The following SMYD4 variants were observed in gnomAD, a reference collection of about 807,000 sequenced individuals.
The protein encoded by SMYD4 is protein-lysine N-methyltransferase SMYD4.
Under a neutral mutation model 72.8 loss-of-function variants are expected in SMYD4, and 68 were observed. That is an observed-to-expected ratio of 0.93 (90% CI 0.77 to 1.14). SMYD4 has a LOEUF of 1.14. Ranked by LOEUF, SMYD4 falls within the 50% of genes most tolerant of loss-of-function variation. SMYD4 has a pLI of 0.00. For missense variants in SMYD4, 984 were observed against 1,003.7 expected, an observed-to-expected ratio of 0.98 and a Z score of 0.27; for synonymous variants, 407 against 388.6, an observed-to-expected ratio of 1.05 and a Z score of -0.56.
rs1910358492 is a variant in SMYD4 at position 1,812,078 on chromosome 17, C to G, written c.172G>C (p.Gly58Arg). The change falls in exon 3 of 11, where the codon GGT becomes CGT. Residue 58 changes from glycine to arginine, a missense_variant. Transcript: ENST00000305513. Reference protein sequence around the residue: ...DELFLKRLSKGYLVGKDSDAP... With the variant: ...DELFLKRLSKRYLVGKDSDAP... Reference sequence around the variant, plus strand: ...TCCGAGTCCTTTCCCACCAAGTAACCTTTAGAAAGTCTTTTTAGAAACAGC... The same window carrying G: ...TCCGAGTCCTTTCCCACCAAGTAACGTTTAGAAAGTCTTTTTAGAAACAGC... 6.2e-7 allele frequency: 1 copy of G among 1,613,878 alleles called. No homozygotes were observed. Among genetic ancestry groups the G allele is most frequent in the Admixed American group, 1.7e-5 (1 of 59,942 alleles).
At chr17:1,796,585 C>T (rs531538543) in intron 5 of SMYD4, among the ~76,000 whole-genome samples, 2 of 151,956 alleles carry the variant, frequency 1.3e-5, no homozygotes, top group Non-Finnish European at 2.9e-5. Flanking sequence ...TACAGGCGCC[C>T]GCTGCCATGC....
At chr17:1,809,719 G>A (rs1227715081) in intron 3 of SMYD4, among the ~76,000 whole-genome samples, 2 of 146,700 alleles carry the variant, frequency 1.4e-5, no homozygotes, top group Non-Finnish European at 3.0e-5. Context: ...GCCCAGGCTG[G>A]AGTGCAGTGG....
chr17:1,827,874 A>G lies in SMYD4; in HGVS notation c.121T>C (p.Ser41Pro), dbSNP rs1475125629. 1 of 1,606,040 alleles carries G rather than the reference A, an allele frequency of 6.2e-7. No homozygotes were observed. The highest frequency in any genetic ancestry group is 1.7e-5 in the Admixed American group (1 of 59,882). The change falls in exon 2 of 11, where the codon TCT becomes CCT. Residue 41 changes from serine to proline, a missense_variant. Coordinates refer to ENST00000305513, the MANE Select transcript of SMYD4 (RefSeq NM_052928.3). ...ETLRDIFLHS[S>P]SLLQPEDELF... ...TGATTTACTTACTGAAGAAGTGAAG[A>G]GGAGTGAAGAAAGATATCCCTCAAG... is the stretch of plus-strand genomic sequence containing the variant.
chr17:1,806,925 T>C (rs941450197), intron 3 of SMYD4, among the ~76,000 whole-genome samples: 3 of 151,830 alleles, frequency 2.0e-5, no homozygotes, highest in African/African-American at 7.3e-5. Context: ...GAGTCTCTCG[T>C]TGTCGTCCAG....
At chr17:1,808,898 C>T (rs750321495) in intron 3 of SMYD4, among the ~76,000 whole-genome samples, 14 of 152,164 alleles carry the variant, frequency 9.2e-5, no homozygotes, top group African/African-American at 3.4e-4. Context: ...TTTATTACAA[C>T]ACTACAAAGC....
rs905049224 is a variant in SMYD4 at position 1,784,552 on chromosome 17, T to A, written c.1885-91A>T. The A allele has an allele frequency of 7.1e-6, 11 of 1,550,126 alleles. No homozygotes were observed. The African/African-American group carries it at 1.4e-4, about 19-fold the overall frequency. On this transcript the variant is annotated intron_variant, in intron 7 of 10. Coordinates refer to ENST00000305513, the MANE Select transcript of SMYD4 (RefSeq NM_052928.3). The stretch of plus-strand genomic sequence containing the variant: ...ATTACAGGACTGCTCCATAGTTTCT[T>A]ACCTCATGGGGGAAAGAGACTCCTG...
In SMYD4 at chr17:1,827,998, G is replaced by A. The variant is rs200566308; in HGVS notation, c.-4C>T. On this transcript the variant is annotated 5_prime_UTR_variant, in exon 2 of 11. Transcript: ENST00000305513. ...ATTCATCCACAGGCAGATCCATGCTGCTTTTGATCTATAAAATGAGTAAGA... is the reference window on the plus strand; with the variant it reads ...ATTCATCCACAGGCAGATCCATGCTACTTTTGATCTATAAAATGAGTAAGA... 2.9e-5 allele frequency: 46 copies of A among 1,602,564 alleles called. No individual in the cohort carries two copies. Among genetic ancestry groups the A allele is most frequent in the Middle Eastern group, 1.7e-4 (1 of 6,020 alleles).
At chr17:1,783,634 G>A in intron 8 of SMYD4, 158 bp from the exon 9 acceptor site, 1 of 1,312,888 alleles carries the variant, frequency 7.6e-7, no homozygotes, top group Non-Finnish European at 1.0e-6. Context: ...TTCCAATAAA[G>A]CTGCTGTTTT....
Position 1,811,960 on chromosome 17 carries a change from G to C in SMYD4, c.279+11C>G. ...ATAAATAATAAATTGCTTGAGCTGG[G>C]AGTGTTTTACCTTAGAGTACAGCAC... On this transcript the variant is annotated intron_variant, in intron 3 of 10. Transcript: ENST00000305513. The C allele has an allele frequency of 6.2e-7, 1 of 1,607,820 alleles. No homozygotes were observed. Among genetic ancestry groups the C allele is most frequent in the Non-Finnish European group, 8.5e-7 (1 of 1,178,178 alleles).
intron 5 of SMYD4, among the ~76,000 whole-genome samples, chr17:1,790,525 A>C (rs1908962258): frequency 6.6e-6 from 1 of 151,862 alleles, no homozygotes; most frequent in South Asian, 2.1e-4. Flanking sequence ...CTTTTTATTT[A>C]TTTATTTTTC....
rs547695591 is a variant in SMYD4, at chr17:1,797,740, G to A, written c.1537+2117C>T. ...TATCTGGCCGGGCACGGTGGCTCAC[G>A]CCTGTAATCCCAGCACTTTGGGAGG... is the stretch of plus-strand genomic sequence containing the variant. On this transcript the variant is annotated intron_variant, in intron 5 of 10. Transcript: ENST00000305513. Among the ~76,000 whole-genome samples, 220 of 152,306 alleles carry A rather than the reference G, an allele frequency of 1.4e-3. 1 individual carries two copies. Among genetic ancestry groups the A allele is most frequent in the African/African-American group, 5.1e-3 (213 of 41,578 alleles).
At chr17:1,783,952 A>C (rs972663148) in intron 8 of SMYD4, 5 of 289,414 alleles carry the variant, frequency 1.7e-5, no homozygotes, top group Non-Finnish European at 2.6e-5. Context: ...ACTAGCTCTG[A>C]GGAGGGAAGA....
chr17:1,818,012 A>C (rs188477084), intron 2 of SMYD4, among the ~76,000 whole-genome samples: 1,687 of 140,774 alleles, frequency 0.012, 36 homozygotes, highest in African/African-American at 0.042. Flanking sequence ...GTGCCACTGC[A>C]CTCCAGCCTG....
chr17:1,815,741 C>T (rs984977400), intron 2 of SMYD4, among the ~76,000 whole-genome samples: 4 of 151,532 alleles, frequency 2.6e-5, no homozygotes, highest in African/African-American at 4.9e-5. Context: ...GCTCTGTCAC[C>T]GAGGCTGGAG....
chr17:1,797,670 T>C lies in SMYD4; in HGVS notation c.1537+2187A>G, dbSNP rs571369540. Among the ~76,000 whole-genome samples the C allele has an allele frequency of 3.3e-5, 5 of 152,212 alleles. No individual in the cohort carries two copies. In the South Asian group the frequency reaches 6.2e-4, roughly 19 times the overall value. On this transcript the variant is annotated intron_variant, in intron 5 of 10. Coordinates refer to ENST00000305513, the MANE Select transcript of SMYD4 (RefSeq NM_052928.3). ...TAGAAGAATGGGAAATATCTCTCAA[T>C]TGGAAAGAGAAGACAGAGAGTAGCT...
intron 5 of SMYD4, among the ~76,000 whole-genome samples, chr17:1,792,169 A>G (rs2151225311): frequency 6.6e-6 from 1 of 151,948 alleles, no homozygotes; most frequent in African/African-American, 2.4e-5. Flanking sequence ...CAGCCTCCAG[A>G]GTAGCTGGGA....
chr17:1,828,593 G>A (rs997201016), intron 1 of SMYD4, among the ~76,000 whole-genome samples: 1 of 125,314 alleles, frequency 8.0e-6, no homozygotes, highest in African/African-American at 2.9e-5. Flanking sequence ...TGTGCTCTTA[G>A]ATCCTCTTTT....
chr17:1,784,727 C>A (rs1029445875), intron 7 of SMYD4, among the ~76,000 whole-genome samples: 1 of 152,166 alleles, frequency 6.6e-6, no homozygotes, highest in African/African-American at 2.4e-5. Flanking sequence ...CTTTCCACTT[C>A]TATAGCCCCT....
chr17:1,809,670 C>T (rs1213458748), intron 3 of SMYD4, among the ~76,000 whole-genome samples: 13 of 137,560 alleles, frequency 9.5e-5, no homozygotes, highest in South Asian at 2.3e-4. Context: ...CCACCGCGCC[C>T]GGCCTATTAT....
Sources: allele counts gnomAD v4.1 joint callset (sites outside exome capture counted in the v4.1 genomes callset), GRCh38; gene constraint gnomAD v4.1.1; transcripts MANE v1.5; gene names NCBI Gene and HGNC (gene_info 2026-07-23, HGNC 2026-07-21).